The following PLXNA4 variants were observed in gnomAD, a reference collection of about 807,000 sequenced individuals.
PLXNA4 encodes the protein plexin A4.
In PLXNA4, 44 loss-of-function variants were observed where a neutral mutation model predicts 191.8. That is an observed-to-expected ratio of 0.23 (90% CI 0.18 to 0.29). The LOEUF (loss-of-function observed/expected upper bound fraction) is 0.29. Among genes scored for constraint, PLXNA4 ranks in the 10% least tolerant of loss-of-function variants. PLXNA4 has a pLI of 1.00. For missense variants in PLXNA4, 1,800 were observed against 2,488.8 expected (o/e 0.72, Z 5.89); for synonymous variants, 1,082 against 1,009.5 (o/e 1.07, Z -1.36).
rs555807150 is a variant in PLXNA4 at position 132,487,823 on chromosome 7, T to C, written c.1371+1469A>G. On this transcript the variant is annotated intron_variant, in intron 3 of 31. Transcript: ENST00000321063. ...TTCCCTGGGCATCCACAAAACTCAG[T>C]TCAATATGTGAACAAAAATCACGAG... is the stretch of plus-strand genomic sequence containing the variant. Among the ~76,000 whole-genome samples, 45 of 152,280 alleles carry C rather than the reference T, an allele frequency of 3.0e-4. 1 individual carries two copies. The South Asian group carries it at 9.3e-3, about 32-fold the overall frequency.
intron 1 of PLXNA4, among the ~76,000 whole-genome samples, chr7:132,554,642 G>GC (rs1563168294): frequency 6.6e-6 from 1 of 152,220 alleles, no homozygotes. Context: ...GTGCCTCAGG[G>GC]CAGAGGGTTC....
intron 3 of PLXNA4, among the ~76,000 whole-genome samples, chr7:132,326,780 T>C (rs544861932): frequency 1.3e-5 from 2 of 152,246 alleles, no homozygotes; most frequent in South Asian, 4.1e-4. Flanking sequence ...ATTTAGTGTG[T>C]GTTTCCCCCA....
chr7:132,210,841 G>A, intron 10 of PLXNA4, 102 bp downstream of exon 10: 3 of 1,327,138 alleles, frequency 2.3e-6, no homozygotes, highest in South Asian at 1.3e-5. Flanking sequence ...TGCGTGTTGA[G>A]GAAACGACTG....
At chr7:132,421,883 C>T (rs895621480) in intron 3 of PLXNA4, among the ~76,000 whole-genome samples, 2 of 152,134 alleles carry the variant, frequency 1.3e-5, no homozygotes, top group South Asian at 2.1e-4. Context: ...ACTGAGATGT[C>T]AAATACATCA....
Position 132,278,526 on chromosome 7 carries a change from A to G in PLXNA4, c.1503+19565T>C, listed in dbSNP as rs367874982. ...CACCAGCCCATGCATGGCCACAAAA[A>G]GCCTTCGTGTCATCAGTCAATGCCA... is the stretch of plus-strand genomic sequence containing the variant. On this transcript the variant is annotated intron_variant, in intron 4 of 31. Coordinates refer to ENST00000321063, the MANE Select transcript of PLXNA4 (RefSeq NM_020911.2). Among the ~76,000 whole-genome samples, 28 of 152,338 alleles carry G rather than the reference A, an allele frequency of 1.8e-4. No homozygotes were observed. The East Asian group carries it at 5.0e-3, about 27-fold the overall frequency.
chr7:132,321,946 A>G (rs1802184859), intron 3 of PLXNA4, among the ~76,000 whole-genome samples: 2 of 152,342 alleles, frequency 1.3e-5, no homozygotes, highest in African/African-American at 2.4e-5. Context: ...TGGGCAAGCT[A>G]CAACCCAGTT....
chr7:132,429,429 T>C (rs893631984), intron 3 of PLXNA4, among the ~76,000 whole-genome samples: 1 of 152,156 alleles, frequency 6.6e-6, no homozygotes, highest in Non-Finnish European at 1.5e-5. Flanking sequence ...TTATGGGCCA[T>C]GCAATCTCTG....
intron 14 of PLXNA4, among the ~76,000 whole-genome samples, chr7:132,193,040 A>G (rs1247980809): frequency 6.6e-6 from 1 of 152,054 alleles, no homozygotes; most frequent in Non-Finnish European, 1.5e-5. Flanking sequence ...TGAAATAGGG[A>G]TAATGGTGAG....
At chr7:132,516,232 A>G (rs1228953602) in intron 1 of PLXNA4, among the ~76,000 whole-genome samples, 1 of 72,426 alleles carries the variant, frequency 1.4e-5, no homozygotes, top group Non-Finnish European at 3.3e-5. Flanking sequence ...TTATTTATTT[A>G]TTTATTTATT....
At chr7:132,627,797 A>G (rs1445440045) in intron 2 of PLXNA4, among the ~76,000 whole-genome samples, 1 of 152,192 alleles carries the variant, frequency 6.6e-6, no homozygotes, top group Non-Finnish European at 1.5e-5. Flanking sequence ...TGAATCCACT[A>G]GCACCTTGAT....
At chr7:132,186,537 T>C (rs966585360) in intron 15 of PLXNA4, among the ~76,000 whole-genome samples, 1 of 152,036 alleles carries the variant, frequency 6.6e-6, no homozygotes, top group Admixed American at 6.5e-5. Context: ...GCCCAAATCC[T>C]CTCCCAAAGA....
intron 1 of PLXNA4, among the ~76,000 whole-genome samples, chr7:132,515,412 T>TTTGGGTTCGGTTTG (rs1416005739): frequency 6.6e-6 from 1 of 152,210 alleles, no homozygotes; most frequent in Admixed American, 6.5e-5. Context: ...CAGAAGCCAG[T>TTTGGGTTCGGTTTG]TTGGGTTCGG....
chr7:132,438,161 T>C (rs900009293), intron 3 of PLXNA4, among the ~76,000 whole-genome samples: 7 of 152,230 alleles, frequency 4.6e-5, no homozygotes, highest in Admixed American at 4.6e-4. Flanking sequence ...GCCAAAAGCA[T>C]ATTTATAAAT....
intron 3 of PLXNA4, among the ~76,000 whole-genome samples, chr7:132,312,832 A>T (rs759771090): frequency 6.6e-6 from 1 of 152,194 alleles, no homozygotes; most frequent in Non-Finnish European, 1.5e-5. Context: ...AGCATTTAGC[A>T]CACTGCCCAG....
chr7:132,241,274 A>G, intron 4 of PLXNA4, 108 bp from the exon 5 acceptor site: 1 of 736,870 alleles, frequency 1.4e-6, no homozygotes, highest in Non-Finnish European at 2.2e-6. Context: ...GAAATGTTGC[A>G]GGAGCATGAA....
At chr7:132,331,199 C>T (rs1204770127) in intron 3 of PLXNA4, among the ~76,000 whole-genome samples, 1 of 152,220 alleles carries the variant, frequency 6.6e-6, no homozygotes, top group Non-Finnish European at 1.5e-5. Flanking sequence ...AATCAGGAGG[C>T]AGAGATACAT....
At chr7:132,418,220 C>T (rs573199977) in intron 3 of PLXNA4, among the ~76,000 whole-genome samples, 1 of 152,238 alleles carries the variant, frequency 6.6e-6, no homozygotes, top group Admixed American at 6.5e-5. Flanking sequence ...TCTAAAGTGA[C>T]CTGAACTCAG....
At chr7:132,414,008 T>A (rs1794565751) in intron 3 of PLXNA4, among the ~76,000 whole-genome samples, 1 of 152,214 alleles carries the variant, frequency 6.6e-6, no homozygotes. Flanking sequence ...GATAGAGCTA[T>A]CTCTCTTCCA....
chr7:132,130,446 T>C lies in PLXNA4; in HGVS notation c.*33A>G. The C allele has an allele frequency of 6.2e-7, 1 of 1,613,584 alleles. No individual in the cohort carries two copies. Among genetic ancestry groups the C allele is most frequent in the South Asian group, 1.1e-5 (1 of 91,050 alleles). On this transcript the variant is annotated 3_prime_UTR_variant, in exon 32 of 32. Coordinates refer to ENST00000321063, the MANE Select transcript of PLXNA4 (RefSeq NM_020911.2). ...CTAGACTGAGGCACGGCTTGGTGTG[T>C]CCCCCTCCAGGGCGGCCCTGGAAGG...
Sources: allele counts gnomAD v4.1 joint callset (sites outside exome capture counted in the v4.1 genomes callset), GRCh38; gene constraint gnomAD v4.1.1; transcripts MANE v1.5; gene names NCBI Gene and HGNC (gene_info 2026-07-23, HGNC 2026-07-21).